The following FCGR3B variants were observed in gnomAD, a reference collection of about 807,000 sequenced individuals.
FCGR3B encodes Fc gamma receptor IIIb, also known as low affinity immunoglobulin gamma Fc region receptor III-B.
In FCGR3B, 20 loss-of-function variants were observed where a neutral mutation model predicts 26.7. That is an observed-to-expected ratio of 0.75 (90% CI 0.53 to 1.09). The LOEUF (loss-of-function observed/expected upper bound fraction) is 1.09. Ranked by LOEUF, FCGR3B falls within the 50% of genes least tolerant of loss-of-function variation. The pLI, the probability that FCGR3B is intolerant of heterozygous loss-of-function variation, is 0.00. For synonymous variants in FCGR3B, 79 were observed against 107.0 expected, an observed-to-expected ratio of 0.74 and a Z score of 1.62; for missense variants, 191 against 279.7, an observed-to-expected ratio of 0.68 and a Z score of 2.26.
intron 3 of FCGR3B, 91 bp from the exon 4 acceptor site, chr1:161,626,493 G>A (rs418215): frequency 0.95 from 1,070,381 of 1,123,786 alleles, 512,840 homozygotes; most frequent in Non-Finnish European, 0.98. Context: ...AGATCCTGAG[G>A]CATAAGGGAA....
Position 161,623,509 on chromosome 1 carries a change from A to G in FCGR3B, c.*1006T>C, listed in dbSNP as rs1364614339. 6.7e-6 allele frequency: 1 copy of G among 150,042 alleles called. No homozygotes were observed. Among genetic ancestry groups the G allele is most frequent in the Non-Finnish European group, 1.5e-5 (1 of 67,698 alleles). 9.3% of individuals were successfully genotyped at this position (150,042 alleles called of 1,614,324 possible). On this transcript the variant is annotated 3_prime_UTR_variant, in exon 5 of 5. Transcript: ENST00000650385. ...CTATACAGGAACTAGACATTGAAGC[A>G]GAAAAGGTGGTTTTACAGTCCCTGC...
intron 3 of FCGR3B, among the ~76,000 whole-genome samples, chr1:161,628,879 A>G (rs1450610327): frequency 7.0e-6 from 1 of 142,516 alleles, no homozygotes; most frequent in Non-Finnish European, 1.5e-5. Flanking sequence ...TCTGATGTCT[A>G]TATTCTGTTA....
chr1:161,628,923 G>T (rs1679607231), intron 3 of FCGR3B, among the ~76,000 whole-genome samples: 1 of 131,856 alleles, frequency 7.6e-6, no homozygotes, highest in Non-Finnish European at 1.6e-5. Flanking sequence ...CATGATTAAT[G>T]TGCAGGCTGA....
intron 1 of FCGR3B, 25 bp downstream of exon 1, chr1:161,631,030 C>T: frequency 6.3e-7 from 1 of 1,599,202 alleles, no homozygotes; most frequent in South Asian, 1.1e-5. Flanking sequence ...AAACTTCTCC[C>T]TCAACCAGGG....
At chr1:161,631,025 T>C (rs1280614765) in intron 1 of FCGR3B, 30 bp downstream of exon 1, 2 of 1,596,194 alleles carry the variant, frequency 1.3e-6, no homozygotes, top group Non-Finnish European at 1.7e-6. Context: ...ATCTCAAACT[T>C]CTCCCTCAAC....
upstream of FCGR3B, chr1:161,631,749 G>C (rs34907291): frequency 0.1 from 14,547 of 140,856 alleles, 1,322 homozygotes; most frequent in South Asian, 0.18. Context: ...AGTGTGATTT[G>C]ATCATTAGAT....
Position 161,624,276 on chromosome 1 carries a change from G to A in FCGR3B, c.*239C>T, listed in dbSNP as rs1316556026. Reference sequence around the variant, plus strand: ...GGGGCTTCCCTGCTTGAAGATCATGGGCTTTTCCCTTCCACTGGAGACCAA... The same window carrying A: ...GGGGCTTCCCTGCTTGAAGATCATGAGCTTTTCCCTTCCACTGGAGACCAA... On this transcript the variant is annotated 3_prime_UTR_variant, in exon 5 of 5. Coordinates refer to ENST00000650385, the MANE Select transcript of FCGR3B (RefSeq NM_001244753.2). 1.6e-5 allele frequency: 8 copies of A among 492,570 alleles called. No individual in the cohort carries two copies. The highest frequency in any genetic ancestry group is 2.9e-5 in the Non-Finnish European group (8 of 272,772). 30.5% of individuals were successfully genotyped at this position (492,570 alleles called of 1,614,324 possible).
chr1:161,626,438 C>T (rs1679471890), intron 3 of FCGR3B, 36 bp from the exon 4 acceptor site: 2 of 1,602,742 alleles, frequency 1.2e-6, no homozygotes, highest in Non-Finnish European at 1.7e-6. Flanking sequence ...CCCGGGAGGC[C>T]TCAGCTCTCA....
Position 161,626,371 on chromosome 1 carries a change from C to G in FCGR3B, c.351G>C (p.Val117=). 1 of 1,609,116 alleles carries G rather than the reference C, an allele frequency of 6.2e-7. No homozygotes were observed. The highest frequency in any genetic ancestry group is 8.5e-7 in the Non-Finnish European group (1 of 1,178,018). Residue 117 remains valine, a synonymous_variant, in exon 4 of 5, where the codon GTG becomes GTC. Coordinates refer to ENST00000650385, the MANE Select transcript of FCGR3B (RefSeq NM_001244753.2). ...GWLLLQAPRW[V]FKEEDPIHLR... is the part of the protein sequence containing the mutation. ...GGTGAATAGGGTCTTCCTCCTTGAA[C>G]ACCCACCGAGGGGCCTGGAGCAACA...
At chr1:161,631,388 GC>G, upstream of FCGR3B, 1 of 613,454 alleles carries the variant, frequency 1.6e-6, no homozygotes. Flanking sequence ...CACAGAATCT[GC>G]CAGAGTGTGC....
rs532488908 is a variant in FCGR3B, at chr1:161,624,308, A to G, written c.*207T>C. 8.7e-5 allele frequency: 54 copies of G among 619,864 alleles called. 4 individuals are homozygous for G. Among genetic ancestry groups the G allele is most frequent in the African/African-American group, 4.8e-4 (25 of 51,990 alleles). The allele number at this position is 619,864 out of a possible 1,614,324, so 38.4% of individuals were successfully genotyped here. A position where few individuals can be genotyped will look rare whatever the true frequency, so the allele number is the denominator to read the frequency against. On this transcript the variant is annotated 3_prime_UTR_variant, in exon 5 of 5. Transcript: ENST00000650385. ...CCCTTCCACTGGAGACCAAGGAAAA[A>G]TCGAGAGTTGGATAAAGGATCTGGC...
At chr1:161,629,000 T>C (rs1679610639) in intron 3 of FCGR3B, among the ~76,000 whole-genome samples, 2 of 120,850 alleles carry the variant, frequency 1.7e-5, no homozygotes, top group Non-Finnish European at 3.5e-5. Context: ...TAGGTTTGAG[T>C]ATAGCATTGA....
intron 4 of FCGR3B, 131 bp downstream of exon 4, chr1:161,626,014 C>T: frequency 9.5e-7 from 1 of 1,047,406 alleles, no homozygotes; most frequent in Non-Finnish European, 1.4e-6. Context: ...TCCTGGTGAT[C>T]ACCAGGAGGG....
chr1:161,630,596 A>G (rs1156473131), intron 1 of FCGR3B, among the ~76,000 whole-genome samples: 2 of 145,210 alleles, frequency 1.4e-5, no homozygotes. Context: ...ACAAATCCCT[A>G]TTTTCAACAC....
chr1:161,629,165 C>G (rs1339471427), intron 3 of FCGR3B, among the ~76,000 whole-genome samples: 1 of 86,040 alleles, frequency 1.2e-5, no homozygotes, highest in African/African-American at 4.2e-5. Flanking sequence ...TGGTGGCTCA[C>G]GCCTGTAGTC....
chr1:161,631,267 A>G, upstream of FCGR3B: 1 of 1,465,776 alleles, frequency 6.8e-7, no homozygotes, highest in South Asian at 1.3e-5. Flanking sequence ...AAGTCTCGCA[A>G]TGGAGCCCCA....
chr1:161,623,928 C>A lies in FCGR3B; in HGVS notation c.*587G>T, dbSNP rs61803006. 14,442 of 149,392 alleles carry A rather than the reference C, an allele frequency of 0.097. 1,356 individuals are homozygous for A. The highest frequency in any genetic ancestry group is 0.14 in the Non-Finnish European group (9,311 of 67,522). The allele number at this position is 149,392 out of a possible 1,614,324, so 9.3% of individuals were successfully genotyped here. A position where few individuals can be genotyped will look rare whatever the true frequency, so the allele number is the denominator to read the frequency against. On this transcript the variant is annotated 3_prime_UTR_variant, in exon 5 of 5. Coordinates refer to ENST00000650385, the MANE Select transcript of FCGR3B (RefSeq NM_001244753.2). ...TTATCTCTGGGCTCAGATGGGAACA[C>A]CTCCCTTAGACTATCCTGGACTACC...
intron 3 of FCGR3B, among the ~76,000 whole-genome samples, chr1:161,628,866 G>C (rs1299929662): frequency 6.9e-6 from 1 of 143,892 alleles, no homozygotes. Flanking sequence ...TCTCCTACCT[G>C]TGTCTGATGT....
Position 161,631,119 on chromosome 1 carries a change from C to T in FCGR3B, c.-25G>A, listed in dbSNP as rs1259350945. On this transcript the variant is annotated 5_prime_UTR_variant, in exon 1 of 5. Transcript: ENST00000650385. ...TGATGCCACACTGGAGTGGACAAGT[C>T]ACCAAAGATATCCGGAGCCCTAAAG... The T allele has an allele frequency of 6.2e-7, 1 of 1,607,678 alleles. No homozygotes were observed. Among genetic ancestry groups the T allele is most frequent in the African/African-American group, 1.4e-5 (1 of 73,170 alleles).
Sources: allele counts gnomAD v4.1 joint callset (sites outside exome capture counted in the v4.1 genomes callset), GRCh38; gene constraint gnomAD v4.1.1; transcripts MANE v1.5; gene names NCBI Gene and HGNC (gene_info 2026-07-23, HGNC 2026-07-21).